Variants in ADAM7 observed in about 807,000 individuals in gnomAD.
ADAM7 encodes the protein disintegrin and metalloproteinase domain-containing protein 7.
ADAM7 carries 97 observed loss-of-function variants against 102.9 expected under a neutral mutation model. That is an observed-to-expected ratio of 0.94 (90% CI 0.80 to 1.12). The LOEUF (loss-of-function observed/expected upper bound fraction) is 1.12. Ranked by LOEUF, ADAM7 falls within the 50% of genes most tolerant of loss-of-function variation. ADAM7 has a pLI of 0.00. For missense variants in ADAM7, 991 were observed against 908.7 expected, an observed-to-expected ratio of 1.09 and a Z score of -1.16; for synonymous variants, 334 against 304.4, an observed-to-expected ratio of 1.10 and a Z score of -1.01.
At position 24,491,977 on chromosome 8, in the gene ADAM7, G is replaced by GGACACTCTTAGGT; in HGVS notation, c.1431_1432insGACACTCTTAGGT (p.Pro478AspfsTer9). ...TTCCTGAGATGTGCACTGGCCACTC[G>GGACACTCTTAGGT]CCTGCCTGTCCTAAGGACCAGTTCA... On this transcript the variant is annotated frameshift_variant, in exon 14 of 22. Coordinates refer to ENST00000175238, the MANE Select transcript of ADAM7 (RefSeq NM_003817.4). LOFTEE classifies it high-confidence loss of function. 1 of 1,613,852 alleles carries GGACACTCTTAGGT rather than the reference G, an allele frequency of 6.2e-7. No homozygotes were observed. The highest frequency in any genetic ancestry group is 8.5e-7 in the Non-Finnish European group (1 of 1,179,850).
At chr8:24,494,155 C>A (rs1225726407) in intron 16 of ADAM7, among the ~76,000 whole-genome samples, 3 of 152,036 alleles carry the variant, frequency 2.0e-5, no homozygotes, top group Non-Finnish European at 4.4e-5. Context: ...GACATTTGTA[C>A]AGTGTGATAG....
At chr8:24,470,449 G>A (rs6988644) in intron 7 of ADAM7, among the ~76,000 whole-genome samples, 2,004 of 151,926 alleles carry the variant, frequency 0.013, 57 homozygotes, top group African/African-American at 0.046. Flanking sequence ...CAAAAGGGTA[G>A]AGGGAAATAG....
In ADAM7 at chr8:24,466,870, T is replaced by G; in HGVS notation, c.461T>G (p.Leu154Trp). The part of the protein sequence containing the change: ...PVKYSDEGEH[L>W]VFKYNLRVPY... ...AAATACTCAGATGAGGGAGAACATTTGGTGTTCAAATATAACCTGAGGGTG... is the reference window on the plus strand; with the variant it reads ...AAATACTCAGATGAGGGAGAACATTGGGTGTTCAAATATAACCTGAGGGTG... The change falls in exon 6 of 22, where the codon TTG becomes TGG. Residue 154 changes from leucine to tryptophan, a missense_variant. Physicochemically the swap from Leu to Trp is moderately conservative, Grantham distance 61. Coordinates refer to ENST00000175238, the MANE Select transcript of ADAM7 (RefSeq NM_003817.4). 1 of 1,614,030 alleles carries G rather than the reference T, an allele frequency of 6.2e-7. No individual in the cohort carries two copies. The highest frequency in any genetic ancestry group is 8.5e-7 in the Non-Finnish European group (1 of 1,179,910).
At chr8:24,493,346 C>T in intron 16 of ADAM7, 117 bp downstream of exon 16, 1 of 910,814 alleles carries the variant, frequency 1.1e-6, no homozygotes, top group Non-Finnish European at 1.5e-6. Context: ...AAAATATTGA[C>T]AAGTATTTTT....
At chr8:24,493,743 G>A (rs1202639163) in intron 16 of ADAM7, among the ~76,000 whole-genome samples, 1 of 152,164 alleles carries the variant, frequency 6.6e-6, no homozygotes, top group Non-Finnish European at 1.5e-5. Flanking sequence ...CAGAGAAGAT[G>A]AAATGGCATC....
chr8:24,451,789 T>A (rs533704589), intron 3 of ADAM7, among the ~76,000 whole-genome samples: 2 of 150,806 alleles, frequency 1.3e-5, no homozygotes, highest in Non-Finnish European at 3.0e-5. Context: ...GGGCATTTAG[T>A]GCTATAAATT....
rs193258862 is a variant in ADAM7, at chr8:24,484,333, C to T, written c.876-944C>T. On this transcript the variant is annotated intron_variant, in intron 9 of 21. Transcript: ENST00000175238. ...CCTATCTTGTCTTTGAGTTCTATTACATTCCAGGTATGACCCTTTAGCCCC... is the reference window on the plus strand; with the variant it reads ...CCTATCTTGTCTTTGAGTTCTATTATATTCCAGGTATGACCCTTTAGCCCC... 7.2e-5 allele frequency among the ~76,000 whole-genome samples: 11 copies of T among 152,294 alleles called. No individual in the cohort carries two copies. The East Asian group carries it at 2.1e-3, about 29-fold the overall frequency.
intron 3 of ADAM7, among the ~76,000 whole-genome samples, chr8:24,451,022 C>G (rs531785414): frequency 1.3e-5 from 2 of 152,050 alleles, no homozygotes; most frequent in East Asian, 1.9e-4. Context: ...GGTGGATAAG[C>G]TTTTTGATGT....
chr8:24,460,394 T>A (rs1819197811), intron 3 of ADAM7, among the ~76,000 whole-genome samples: 1 of 152,102 alleles, frequency 6.6e-6, no homozygotes. Context: ...CCGTTCCTAT[T>A]AACATTACAT....
chr8:24,491,922 T>A lies in ADAM7; in HGVS notation c.1376T>A (p.Ile459Lys), dbSNP rs1446052501. 6.2e-7 allele frequency: 1 copy of A among 1,611,894 alleles called. No homozygotes were observed. The highest frequency in any genetic ancestry group is 1.3e-5 in the African/African-American group (1 of 74,840). Residue 459 changes from isoleucine to lysine, a missense_variant, in exon 14 of 22, where the codon ATA (isoleucine) becomes AAA (lysine). Physicochemically the swap from Ile to Lys is moderately radical, Grantham distance 102. Coordinates refer to ENST00000175238, the MANE Select transcript of ADAM7 (RefSeq NM_003817.4). ...CAACAGATAAAAAAAGCAGGGTCCATATGCAGACCGGCGAAAGATGAATGT... is the reference window on the plus strand; with the variant it reads ...CAACAGATAAAAAAAGCAGGGTCCAAATGCAGACCGGCGAAAGATGAATGT... ...ESCQIKKAGSICRPAKDECDF... is the reference protein window; with the variant it reads ...ESCQIKKAGSKCRPAKDECDF...
intron 3 of ADAM7, among the ~76,000 whole-genome samples, chr8:24,452,664 T>C (rs1190714415): frequency 6.7e-6 from 1 of 150,002 alleles, no homozygotes; most frequent in African/African-American, 2.5e-5. Context: ...AAAGTTAATA[T>C]TGTTATGTGT....
At chr8:24,500,920 TGAA>T in intron 19 of ADAM7, 25 bp downstream of exon 19, 1 of 1,559,436 alleles carries the variant, frequency 6.4e-7, no homozygotes. Context: ...TTCTATGTGT[TGAA>T]GAAGGGAATT....
chr8:24,496,999 T>A, intron 16 of ADAM7, among the ~76,000 whole-genome samples: 1 of 152,132 alleles, frequency 6.6e-6, no homozygotes, highest in African/African-American at 2.4e-5. Flanking sequence ...CCAAATCTCA[T>A]CTTGAATTCC....
intron 11 of ADAM7, among the ~76,000 whole-genome samples, chr8:24,488,077 T>C (rs1214127028): frequency 2.0e-5 from 3 of 152,198 alleles, no homozygotes; most frequent in Non-Finnish European, 2.9e-5. Flanking sequence ...TTGTTTTTTG[T>C]CTTCTCTTTA....
At chr8:24,452,673 G>A (rs1318537714) in intron 3 of ADAM7, among the ~76,000 whole-genome samples, 93 of 150,260 alleles carry the variant, frequency 6.2e-4, no homozygotes, top group African/African-American at 2.2e-3. Flanking sequence ...ATTGTTATGT[G>A]TGAATTTGAT....
At chr8:24,451,610 T>A (rs1265218610) in intron 3 of ADAM7, among the ~76,000 whole-genome samples, 1 of 152,208 alleles carries the variant, frequency 6.6e-6, no homozygotes, top group East Asian at 1.9e-4. Context: ...GCTCCTGGAT[T>A]CATTAATTTT....
chr8:24,502,715 A>G (rs1820803779), intron 20 of ADAM7, among the ~76,000 whole-genome samples: 2 of 152,158 alleles, frequency 1.3e-5, no homozygotes, highest in Non-Finnish European at 2.9e-5. Flanking sequence ...AGCTCAAGTT[A>G]AATTTGTAGT....
intron 3 of ADAM7, among the ~76,000 whole-genome samples, chr8:24,462,766 T>C (rs1013771752): frequency 6.6e-6 from 1 of 152,218 alleles, no homozygotes; most frequent in Non-Finnish European, 1.5e-5. Context: ...CCACTCCTAA[T>C]ATTCCAAATA....
intron 6 of ADAM7, among the ~76,000 whole-genome samples, chr8:24,468,509 A>G (rs190285849): frequency 6.6e-6 from 1 of 152,134 alleles, no homozygotes; most frequent in East Asian, 1.9e-4. Flanking sequence ...ATTAAAAAAT[A>G]AAATTAAATT....
Sources: allele counts gnomAD v4.1 joint callset (sites outside exome capture counted in the v4.1 genomes callset), GRCh38; gene constraint gnomAD v4.1.1; transcripts MANE v1.5; gene names NCBI Gene and HGNC (gene_info 2026-07-23, HGNC 2026-07-21).